The following CABIN1 variants were observed in gnomAD, a reference collection of about 807,000 sequenced individuals.
The protein encoded by CABIN1 is calcineurin binding protein 1.
In CABIN1, 133 loss-of-function variants were observed where a neutral mutation model predicts 227.7. The ratio of observed to expected loss-of-function variants is 0.58; its 90% confidence interval spans 0.51 to 0.67. The LOEUF (loss-of-function observed/expected upper bound fraction) is 0.67, where lower values mean the gene tolerates loss of function less well. Among genes scored for constraint, CABIN1 ranks in the 30% least tolerant of loss-of-function variants. The probability of loss-of-function intolerance (pLI) is 0.00; values close to 1 mark genes in which losing one functional copy is unlikely to be tolerated. For missense variants in CABIN1, 2,408 were observed against 2,852.5 expected (o/e 0.84, Z 3.55); for synonymous variants, 1,086 against 1,155.1 (o/e 0.94, Z 1.21).
At chr22:24,146,723 G>A (rs1157001281) in intron 29 of CABIN1, among the ~76,000 whole-genome samples, 1 of 152,238 alleles carries the variant, frequency 6.6e-6, no homozygotes, top group Non-Finnish European at 1.5e-5. Flanking sequence ...ATCGTTCCTG[G>A]TATAAATTAT....
At chr22:24,025,283 C>T (rs2146673650) in intron 1 of CABIN1, among the ~76,000 whole-genome samples, 1 of 152,166 alleles carries the variant, frequency 6.6e-6, no homozygotes, top group African/African-American at 2.4e-5. Context: ...TCCATTATTT[C>T]TTTGGTCAGC....
intron 1 of CABIN1, among the ~76,000 whole-genome samples, chr22:24,021,258 G>A (rs1449950938): frequency 6.6e-6 from 1 of 151,626 alleles, no homozygotes; most frequent in Non-Finnish European, 1.5e-5. Context: ...GGAGTCAAAG[G>A]ATCCTCCAAC....
At chr22:24,124,021 G>A (rs377246417) in intron 28 of CABIN1, among the ~76,000 whole-genome samples, 5 of 152,314 alleles carry the variant, frequency 3.3e-5, no homozygotes, top group East Asian at 1.9e-4. Flanking sequence ...GAAAGAAACC[G>A]CCTTCAGGGC....
At chr22:24,026,539 G>C (rs1424835126) in intron 1 of CABIN1, among the ~76,000 whole-genome samples, 1 of 152,070 alleles carries the variant, frequency 6.6e-6, no homozygotes, top group Non-Finnish European at 1.5e-5. Flanking sequence ...GATCCATTTT[G>C]AGTTATTTTT....
At chr22:24,139,565 CAAAA>C (rs71184948) in intron 29 of CABIN1, among the ~76,000 whole-genome samples, 1 of 132,546 alleles carries the variant, frequency 7.5e-6, no homozygotes, top group Non-Finnish European at 1.6e-5. Context: ...GACTCCGTGT[CAAAA>C]AAAAAAAAAA....
chr22:24,158,379 A>G (rs1003986017), intron 29 of CABIN1, among the ~76,000 whole-genome samples: 3 of 152,176 alleles, frequency 2.0e-5, no homozygotes, highest in Non-Finnish European at 4.4e-5. Flanking sequence ...GTGGAGAAGT[A>G]TGTTCAGCCC....
intron 26 of CABIN1, among the ~76,000 whole-genome samples, chr22:24,098,554 C>T (rs1321891355): frequency 2.0e-5 from 3 of 152,146 alleles, no homozygotes; most frequent in African/African-American, 7.2e-5. Context: ...CTGGTGCAGT[C>T]AGCTTAGTGA....
In CABIN1 at chr22:24,072,379, A is replaced by G; in HGVS notation, c.2501A>G (p.Gln834Arg). 1.2e-6 allele frequency: 2 copies of G among 1,614,186 alleles called. No homozygotes were observed. Among genetic ancestry groups the G allele is most frequent in the Non-Finnish European group, 1.7e-6 (2 of 1,180,018 alleles). ...IQVIDCSMAVQEEAKEPHVSS... is the reference protein window; with the variant it reads ...IQVIDCSMAVREEAKEPHVSS... ...GTCATTGACTGCAGCATGGCTGTGC[A>G]GGAGGAGGCCAAGGAGCCCCACGTC... The change falls in exon 18 of 37, where the codon CAG becomes CGG. Residue 834 changes from glutamine (Q) to arginine (R), a missense_variant. Transcript: ENST00000263119.
chr22:24,173,493 T>C (rs780064028), intron 34 of CABIN1: 4 of 152,194 alleles, frequency 2.6e-5, no homozygotes, highest in African/African-American at 9.7e-5. Context: ...CTGTGGCCAT[T>C]TGTTCCCAGA....
chr22:24,131,759 T>C (rs976286557), intron 28 of CABIN1, among the ~76,000 whole-genome samples: 9 of 152,158 alleles, frequency 5.9e-5, no homozygotes, highest in Admixed American at 2.0e-4. Flanking sequence ...TGTGCTCAAC[T>C]GTGGTATTAG....
At chr22:24,029,618 A>C (rs7510894) in intron 1 of CABIN1, among the ~76,000 whole-genome samples, 1 of 152,214 alleles carries the variant, frequency 6.6e-6, no homozygotes, top group East Asian at 1.9e-4. Context: ...CAAAGCCCCC[A>C]CAGTCTTCCC....
Position 24,166,752 on chromosome 22 carries a change from G to A in CABIN1, c.5121G>A (p.Lys1707=), listed in dbSNP as rs1974322431. The A allele has an allele frequency of 2.5e-6, 4 of 1,612,718 alleles. No homozygotes were observed. The African/African-American group carries it at 4.0e-5, about 16-fold the overall frequency. Residue 1707 remains lysine, a synonymous_variant, in exon 32 of 37, where the codon AAG becomes AAA. Transcript: ENST00000263119. ...EDGQEGLPQP[K]KPPLADGSGP... The stretch of plus-strand genomic sequence containing the variant: ...GCCAGGAGGGCCTCCCCCAGCCGAA[G>A]AAGCCCCCTCTGGCTGATGGCTCAG...
chr22:24,129,123 G>A lies in CABIN1; in HGVS notation c.4633-5179G>A, dbSNP rs140395116. Among the ~76,000 whole-genome samples, 378 of 152,308 alleles carry A rather than the reference G, an allele frequency of 2.5e-3. 5 individuals carry two copies. The South Asian group carries it at 0.033, about 13-fold the overall frequency. On this transcript the variant is annotated intron_variant, in intron 28 of 36. Transcript: ENST00000263119. ...CTTTGCACATCTTGGGACAGCAGGT[G>A]TCCCCAGAGGGTAGTAGTTGTTTTC... is the stretch of plus-strand genomic sequence containing the variant.
intron 1 of CABIN1, among the ~76,000 whole-genome samples, chr22:24,021,203 G>T (rs2035700076): frequency 6.6e-6 from 1 of 151,654 alleles, no homozygotes. Flanking sequence ...ATTTATTTTA[G>T]AGATGGGGGT....
At chr22:24,056,619 T>G in intron 10 of CABIN1, 1 of 507,440 alleles carries the variant, frequency 2.0e-6, no homozygotes, top group Non-Finnish European at 3.5e-6. Context: ...AACATACTCA[T>G]GTCCCTGTGT....
At chr22:24,170,521 G>A (rs543165247) in intron 33 of CABIN1, among the ~76,000 whole-genome samples, 42 of 152,270 alleles carry the variant, frequency 2.8e-4, no homozygotes, top group African/African-American at 7.5e-4. Flanking sequence ...TGGTATTGCC[G>A]CAGGCCCGCA....
In CABIN1 at chr22:24,029,603, A is replaced by C. The variant is rs1378593876; in HGVS notation, c.-74-5841A>C. Reference sequence around the variant, plus strand: ...GCTAGTAAAGGGGATTATACAGTACATGTTCAAAGCCCCCACAGTCTTCCC... The same window carrying C: ...GCTAGTAAAGGGGATTATACAGTACCTGTTCAAAGCCCCCACAGTCTTCCC... On this transcript the variant is annotated intron_variant, in intron 1 of 36. Coordinates refer to ENST00000263119, the MANE Select transcript of CABIN1 (RefSeq NM_012295.4). Among the ~76,000 whole-genome samples, 3 of 152,066 alleles carry C rather than the reference A, an allele frequency of 2.0e-5. 1 individual carries two copies. Among genetic ancestry groups the C allele is most frequent in the Non-Finnish European group, 4.4e-5 (3 of 68,010 alleles).
At position 24,056,345 on chromosome 22, in the gene CABIN1, A is replaced by G. The variant is rs1274106099; in HGVS notation, c.1247A>G (p.Lys416Arg). Residue 416 changes from lysine (K) to arginine (R), a missense_variant, in exon 10 of 37, where the codon AAG becomes AGG. This residue lies in a region of CABIN1 where 1,045 missense variants were observed against 1,168.4 expected (regional missense o/e 0.89). Transcript: ENST00000263119. ...EKVDFQELLM[K>R]FLPSRLRKLD... Reference sequence around the variant, plus strand: ...GTAGACTTCCAGGAGCTTCTGATGAAGTTCTTGCCGTCCAGGTACTGTGTA... The same window carrying G: ...GTAGACTTCCAGGAGCTTCTGATGAGGTTCTTGCCGTCCAGGTACTGTGTA... 13 of 1,613,938 alleles carry G rather than the reference A, an allele frequency of 8.1e-6. No individual in the cohort carries two copies. The highest frequency in any genetic ancestry group is 1.1e-5 in the Non-Finnish European group (13 of 1,179,848).
chr22:24,063,294 C>G (rs1163274777), intron 14 of CABIN1, 148 bp downstream of exon 14: 15 of 787,756 alleles, frequency 1.9e-5, no homozygotes, highest in Non-Finnish European at 3.1e-5. Flanking sequence ...TGCCCGGGCA[C>G]TGGGCTTGGC....
Sources: gnomAD v4.1 joint callset for allele counts (sites outside exome capture counted in the v4.1 genomes callset) on GRCh38, gnomAD v4.1.1 for gene constraint, gnomAD v4.1.1 regional missense constraint, MANE v1.5 for transcripts, NCBI Gene and HGNC (gene_info 2026-07-23, HGNC 2026-07-21) for gene names.